The following VPS53 variants were observed in gnomAD, a reference collection of about 807,000 sequenced individuals.
VPS53 encodes VPS53 subunit of GARP complex.
A neutral mutation model predicts 107.0 loss-of-function variants in VPS53; 70 were observed. The observed-to-expected ratio is 0.65, with a 90% confidence interval of 0.54 to 0.80. The LOEUF is 0.80. VPS53 is among the 30% of genes least tolerant of loss of function. VPS53 has a pLI of 0.00. For synonymous variants in VPS53, 409 were observed against 393.3 expected (o/e 1.04, Z -0.47); for missense variants, 917 against 1,049.4 (o/e 0.87, Z 1.74).
At position 714,807 on chromosome 17, in the gene VPS53, C is replaced by A; in HGVS notation, c.-98G>T. 7.4e-7 allele frequency: 1 copy of A among 1,354,080 alleles called. No individual in the cohort carries two copies. Among genetic ancestry groups the A allele is most frequent in the Non-Finnish European group, 1.0e-6 (1 of 953,248 alleles). 83.9% of individuals were successfully genotyped at this position (1,354,080 alleles called of 1,614,324 possible). A position where few individuals can be genotyped will look rare whatever the true frequency, so the allele number is the denominator to read the frequency against. ...CACAGCAACTCCCTCGCGGCAGCGACCTGGTGAGCCCGGCTCCGTCAGCCG... is the reference window on the plus strand; with the variant it reads ...CACAGCAACTCCCTCGCGGCAGCGAACTGGTGAGCCCGGCTCCGTCAGCCG... On this transcript the variant is annotated 5_prime_UTR_variant, in exon 1 of 22. Transcript: ENST00000437048.
At chr17:650,727 A>G (rs1970909797) in intron 7 of VPS53, among the ~76,000 whole-genome samples, 1 of 152,190 alleles carries the variant, frequency 6.6e-6, no homozygotes, top group South Asian at 2.1e-4. Context: ...ACAAACCTAT[A>G]ACCCAGAATC....
chr17:710,680 T>A, intron 1 of VPS53, 67 bp from the exon 2 acceptor site: 1 of 1,305,378 alleles, frequency 7.7e-7, no homozygotes, highest in Non-Finnish European at 1.1e-6. Flanking sequence ...AATTTTAATT[T>A]GTCAATTAAA....
At chr17:642,834 T>C (rs536267888) in intron 7 of VPS53, among the ~76,000 whole-genome samples, 4 of 149,686 alleles carry the variant, frequency 2.7e-5, no homozygotes, top group African/African-American at 7.3e-5. Flanking sequence ...ACAACACTCA[T>C]ACTTGGAAAG....
chr17:683,280 C>T lies in VPS53; in HGVS notation c.285+14138G>A, dbSNP rs192549633. Among the ~76,000 whole-genome samples the T allele has an allele frequency of 2.0e-5, 3 of 151,778 alleles. No individual in the cohort carries two copies. The East Asian group carries it at 5.8e-4, about 29-fold the overall frequency. On this transcript the variant is annotated intron_variant, in intron 4 of 21. Coordinates refer to ENST00000437048, the MANE Select transcript of VPS53 (RefSeq NM_001128159.3). ...AAGTGAAAGGCATTAAACCACTGAT[C>T]CAAGAAGTGCTGAGATCCCAAGAGG...
chr17:550,691 C>T (rs9896205), intron 17 of VPS53, among the ~76,000 whole-genome samples: 7,192 of 151,974 alleles, frequency 0.047, 540 homozygotes, highest in African/African-American at 0.16. Context: ...TTCAAGACTA[C>T]AAGAGAGATA....
At chr17:672,304 C>T (rs1031045679) in intron 4 of VPS53, among the ~76,000 whole-genome samples, 1 of 151,876 alleles carries the variant, frequency 6.6e-6, no homozygotes, top group Non-Finnish European at 1.5e-5. Flanking sequence ...CTTCTTCAAA[C>T]GAGACACAAC....
intron 1 of VPS53, 61 bp downstream of exon 1, chr17:714,562 C>T: frequency 6.6e-7 from 1 of 1,522,282 alleles, no homozygotes. Flanking sequence ...TCCCCAGCGC[C>T]CGGAGCTGCC....
intron 19 of VPS53, chr17:523,091 G>A (rs1327404549): frequency 1.3e-5 from 2 of 152,470 alleles, no homozygotes; most frequent in Non-Finnish European, 2.9e-5. Flanking sequence ...AAGGGAAGCT[G>A]GAATTCCATT....
intron 18 of VPS53, among the ~76,000 whole-genome samples, chr17:534,954 A>G (rs1909911930): frequency 6.6e-6 from 1 of 151,356 alleles, no homozygotes; most frequent in Non-Finnish European, 1.5e-5. Context: ...GTGCCCCTGA[A>G]CTGGCTCTCT....
chr17:692,727 G>A (rs571688754), intron 4 of VPS53, among the ~76,000 whole-genome samples: 2 of 152,356 alleles, frequency 1.3e-5, no homozygotes, highest in East Asian at 3.9e-4. Context: ...ACCTAGCCGG[G>A]TGCGGTGGCT....
In VPS53 at chr17:520,090, G is replaced by A. The variant is rs987040651; in HGVS notation, c.2224-160C>T. On this transcript the variant is annotated intron_variant, in intron 20 of 21. Transcript: ENST00000437048. This position sits in a 1 kb window ranked among gnomAD's most constrained non-coding sequence, Gnocchi z 4.4. ...CTCACTTGCCCGCCGAGCGCTAAAT[G>A]GATTCTGAGAGGTTTCCTTAAGCAG... Among the ~76,000 whole-genome samples the A allele has an allele frequency of 6.6e-6, 1 of 152,192 alleles. No individual in the cohort carries two copies. The highest frequency in any genetic ancestry group is 6.5e-5 in the Admixed American group (1 of 15,270).
intron 4 of VPS53, among the ~76,000 whole-genome samples, chr17:667,570 C>T (rs1349478226): frequency 1.1e-5 from 1 of 91,960 alleles, no homozygotes; most frequent in African/African-American, 4.8e-5. Flanking sequence ...GGGTTAATTA[C>T]AGAAGAGGAC....
intron 11 of VPS53, among the ~76,000 whole-genome samples, chr17:620,737 C>A (rs1006028267): frequency 6.8e-6 from 1 of 146,760 alleles, no homozygotes; most frequent in Non-Finnish European, 1.5e-5. Context: ...AGTGCAGTGG[C>A]GCAACCTTGG....
At chr17:522,675 TAGG>T (rs1421070643) in intron 19 of VPS53, among the ~76,000 whole-genome samples, 3 of 152,266 alleles carry the variant, frequency 2.0e-5, no homozygotes, top group Admixed American at 6.5e-5. Context: ...ACTGAGGATG[TAGG>T]AGATTTACCC....
intron 15 of VPS53, among the ~76,000 whole-genome samples, chr17:557,020 T>A (rs1912491785): frequency 6.8e-6 from 1 of 146,294 alleles, no homozygotes; most frequent in African/African-American, 2.5e-5. Flanking sequence ...CCGGCTAATT[T>A]TTGTATTCTT....
At chr17:549,582 TG>T (rs1333668484) in intron 17 of VPS53, among the ~76,000 whole-genome samples, 2 of 120,172 alleles carry the variant, frequency 1.7e-5, no homozygotes, top group African/African-American at 7.0e-5. Flanking sequence ...GTGATTTTAT[TG>T]AAAAAAAAAA....
At chr17:594,189 T>C (rs1967829360) in intron 12 of VPS53, among the ~76,000 whole-genome samples, 1 of 152,168 alleles carries the variant, frequency 6.6e-6, no homozygotes, top group Admixed American at 6.5e-5. Context: ...GGGATAGCAC[T>C]GGGAGATATA....
chr17:593,791 C>T (rs893050817), intron 12 of VPS53, among the ~76,000 whole-genome samples: 5 of 152,172 alleles, frequency 3.3e-5, no homozygotes, highest in African/African-American at 1.2e-4. Flanking sequence ...CCATTTGACC[C>T]AGCAATCCCA....
At chr17:560,290 T>C in intron 15 of VPS53, 136 bp downstream of exon 15, 1 of 1,170,794 alleles carries the variant, frequency 8.5e-7, no homozygotes, top group East Asian at 2.6e-5. Context: ...CACTGAGCTT[T>C]CCTCTGTGGC....
Sources: gnomAD v4.1 joint callset for allele counts (sites outside exome capture counted in the v4.1 genomes callset) on GRCh38, gnomAD v4.1.1 for gene constraint, Gnocchi (gnomAD v3.1) non-coding constraint, MANE v1.5 for transcripts, NCBI Gene and HGNC (gene_info 2026-07-23, HGNC 2026-07-21) for gene names.